RB1: variants seen among roughly 807,000 people sequenced by gnomAD.
The protein encoded by RB1 is RB transcriptional corepressor 1.
Under a neutral mutation model 135.4 loss-of-function variants are expected in RB1, and 18 were observed. That is an observed-to-expected ratio of 0.13 (90% CI 0.09 to 0.20). The LOEUF (loss-of-function observed/expected upper bound fraction) is 0.20. Ranked by LOEUF, RB1 falls within the 10% of genes least tolerant of loss-of-function variation. The pLI is 1.00. For synonymous variants in RB1, 365 were observed against 373.2 expected (o/e 0.98, Z 0.25); for missense variants, 868 against 1,110.0 (o/e 0.78, Z 3.10).
intron 17 of RB1, chr13:48,445,009 C>G (rs1193128012): frequency 6.6e-6 from 1 of 151,026 alleles, no homozygotes. Flanking sequence ...TTTAATTTCA[C>G]AGATCAATAG....
intron 17 of RB1, among the ~76,000 whole-genome samples, chr13:48,429,826 C>T (rs960434131): frequency 2.0e-5 from 3 of 151,892 alleles, no homozygotes; most frequent in African/African-American, 7.3e-5. Context: ...ACAAATAGTA[C>T]AAAATACCTT....
intron 17 of RB1, among the ~76,000 whole-genome samples, chr13:48,387,289 T>C (rs1265694953): frequency 6.6e-6 from 1 of 152,184 alleles, no homozygotes; most frequent in Non-Finnish European, 1.5e-5. Context: ...GTTAACATAA[T>C]GGGTTTATTA....
chr13:48,410,420 G>A (rs1823205902), intron 17 of RB1, among the ~76,000 whole-genome samples: 1 of 152,154 alleles, frequency 6.6e-6, no homozygotes, highest in South Asian at 2.1e-4. Context: ...CTAGAGTTGT[G>A]TAAGTACACA....
At chr13:48,411,499 C>A in intron 17 of RB1, 1 of 1,612,866 alleles carries the variant, frequency 6.2e-7, no homozygotes, top group Non-Finnish European at 8.5e-7. Flanking sequence ...CTTCTCCTGA[C>A]AGACCAGTTT....
chr13:48,449,961 G>T (rs1455444868), intron 17 of RB1, among the ~76,000 whole-genome samples: 1 of 152,064 alleles, frequency 6.6e-6, no homozygotes, highest in African/African-American at 2.4e-5. Flanking sequence ...ACTTTTGAAT[G>T]GAGTTGTTTG....
At chr13:48,447,510 C>CA (rs146140434) in intron 17 of RB1, among the ~76,000 whole-genome samples, 153 of 152,226 alleles carry the variant, frequency 1.0e-3, no homozygotes, top group African/African-American at 3.6e-3. Context: ...TGTAAATAAT[C>CA]ACAACCATAA....
At chr13:48,411,621 G>A in intron 17 of RB1, 2 of 1,611,978 alleles carry the variant, frequency 1.2e-6, no homozygotes, top group Non-Finnish European at 1.7e-6. Context: ...TGTCCTTACT[G>A]CTGCCACTAC....
chr13:48,397,190 C>G (rs1318510013), intron 17 of RB1, among the ~76,000 whole-genome samples: 1 of 152,194 alleles, frequency 6.6e-6, no homozygotes, highest in Non-Finnish European at 1.5e-5. Flanking sequence ...AAAGAACATG[C>G]ACACATATGT....
At position 48,320,451 on chromosome 13, in the gene RB1, T is replaced by A. The variant is rs959835638; in HGVS notation, c.264+13045T>A. 5.6e-6 allele frequency: 5 copies of A among 900,384 alleles called. No individual in the cohort carries two copies. The East Asian group carries it at 1.3e-4, about 23-fold the overall frequency. 55.8% of individuals were successfully genotyped at this position (900,384 alleles called of 1,614,324 possible). On this transcript the variant is annotated intron_variant, in intron 2 of 26. Transcript: ENST00000267163. The stretch of plus-strand genomic sequence containing the variant: ...CCCATTTGGACTGGGGAGCAACCCC[T>A]GGAGTAGCGTTCCTGAGAAACATTC...
intron 17 of RB1, among the ~76,000 whole-genome samples, chr13:48,408,100 CTATTTTA>C (rs1330377207): frequency 1.3e-5 from 2 of 152,002 alleles, no homozygotes; most frequent in Admixed American, 1.3e-4. Context: ...GCTCCATTTT[CTATTTTA>C]TATTTCTCAA....
intron 18 of RB1, among the ~76,000 whole-genome samples, chr13:48,455,917 G>T (rs1254315485): frequency 6.6e-6 from 1 of 152,020 alleles, no homozygotes; most frequent in African/African-American, 2.4e-5. Context: ...TCACCTTATG[G>T]TCTCAATACC....
intron 17 of RB1, chr13:48,391,400 CT>C (rs1948609430): frequency 6.6e-6 from 1 of 152,066 alleles, no homozygotes; most frequent in Admixed American, 6.6e-5. Flanking sequence ...ACATATTTAC[CT>C]TTCCAGTACT....
At chr13:48,464,770 T>C (rs1166028007) in intron 21 of RB1, among the ~76,000 whole-genome samples, 7 of 152,166 alleles carry the variant, frequency 4.6e-5, no homozygotes, top group Non-Finnish European at 1.5e-5. Context: ...TGGCTATTTC[T>C]CTCAATCATT....
chr13:48,475,776 G>A (rs1249354722), intron 24 of RB1, among the ~76,000 whole-genome samples: 1 of 152,100 alleles, frequency 6.6e-6, no homozygotes, highest in Non-Finnish European at 1.5e-5. Flanking sequence ...ACTAGGGAGA[G>A]GTAAAAGTTT....
chr13:48,463,363 ATTATT>A (rs1044906764), intron 20 of RB1, among the ~76,000 whole-genome samples: 9 of 152,202 alleles, frequency 5.9e-5, no homozygotes, highest in Non-Finnish European at 1.5e-5. Context: ...TGTGTTCAAT[ATTATT>A]TTATCTAATA....
chr13:48,453,163 G>C, intron 18 of RB1, 52 bp downstream of exon 18: 1 of 1,498,130 alleles, frequency 6.7e-7, no homozygotes, highest in South Asian at 1.1e-5. Context: ...TAGATTTTAA[G>C]CATAAGTGCA....
chr13:48,320,250 T>C, intron 2 of RB1: 1 of 1,144,124 alleles, frequency 8.7e-7, no homozygotes, highest in Non-Finnish European at 1.2e-6. Context: ...GCTTGGCGTC[T>C]GCCCTGTGGC....
At chr13:48,403,414 A>C (rs1948711067) in intron 17 of RB1, among the ~76,000 whole-genome samples, 1 of 152,192 alleles carries the variant, frequency 6.6e-6, no homozygotes, top group African/African-American at 2.4e-5. Flanking sequence ...TGTGGAGGGA[A>C]GTGGAGGAGT....
chr13:48,481,327 A>C lies in RB1; in HGVS notation c.*1256A>C, dbSNP rs1420431711. 1 of 231,988 alleles carries C rather than the reference A, an allele frequency of 4.3e-6. No individual in the cohort carries two copies. Among genetic ancestry groups the C allele is most frequent in the Admixed American group, 5.6e-5 (1 of 17,758 alleles). The allele number at this position is 231,988 out of a possible 1,614,324, so 14.4% of individuals were successfully genotyped here. A position where few individuals can be genotyped will look rare whatever the true frequency, so the allele number is the denominator to read the frequency against. On this transcript the variant is annotated 3_prime_UTR_variant, in exon 27 of 27. Transcript: ENST00000267163. ...AAAAGCTTCAAATTAAAACAGCTGC[A>C]TTAGAAAAAGAGGCGCTTCTCCCCT...
Sources: gnomAD v4.1 joint callset for allele counts (sites outside exome capture counted in the v4.1 genomes callset) on GRCh38, gnomAD v4.1.1 for gene constraint, MANE v1.5 for transcripts, NCBI Gene and HGNC (gene_info 2026-07-23, HGNC 2026-07-21) for gene names.